Variants in FSTL5 observed in about 807,000 individuals in gnomAD.
FSTL5 encodes the protein follistatin-related protein 5.
In FSTL5, 62 loss-of-function variants were observed where a neutral mutation model predicts 89.1. The ratio of observed to expected loss-of-function variants is 0.70; its 90% CI spans 0.57 to 0.86. The LOEUF (loss-of-function observed/expected upper bound fraction) is 0.86, where lower values mean the gene tolerates loss of function less well. FSTL5 is among the 40% of genes least tolerant of loss of function. The pLI is 0.00. For missense variants in FSTL5, 1,057 were observed against 1,001.6 expected, an observed-to-expected ratio of 1.06 and a Z score of -0.75; for synonymous variants, 383 against 346.2, an observed-to-expected ratio of 1.11 and a Z score of -1.18.
rs539364311 is a variant in FSTL5, at chr4:161,501,827, G to A, written c.1340-1693C>T. 1.2e-4 allele frequency among the ~76,000 whole-genome samples: 18 copies of A among 151,968 alleles called. No individual in the cohort carries two copies. The East Asian group carries it at 1.9e-3, about 16-fold the overall frequency. On this transcript the variant is annotated intron_variant, in intron 11 of 15. Coordinates refer to ENST00000306100, the MANE Select transcript of FSTL5 (RefSeq NM_020116.5). ...TATTACATGCACAAAAGAGAAAGCCGAAACAAAGCACATAAGTATTTATGC... is the reference window on the plus strand; with the variant it reads ...TATTACATGCACAAAAGAGAAAGCCAAAACAAAGCACATAAGTATTTATGC...
rs189111501 is a variant in FSTL5, at chr4:161,913,626, G to T, written c.409+6778C>A. ...ATACTCAATGCCAGCCATGAAAGCA[G>T]CCAGGAGGGAGTCTGTACCCTGCAA... is the stretch of plus-strand genomic sequence containing the variant. On this transcript the variant is annotated intron_variant, in intron 4 of 15. Transcript: ENST00000306100. Among the ~76,000 whole-genome samples, 46 of 152,316 alleles carry T rather than the reference G, an allele frequency of 3.0e-4. 1 individual carries two copies. The highest frequency in any genetic ancestry group is 1.0e-3 in the Admixed American group (16 of 15,304).
In FSTL5 at chr4:161,973,221, T is replaced by C. The variant is rs74633176; in HGVS notation, c.161-52569A>G. Among the ~76,000 whole-genome samples, 253 of 152,290 alleles carry C rather than the reference T, an allele frequency of 1.7e-3. 1 individual carries two copies. Among genetic ancestry groups the C allele is most frequent in the African/African-American group, 5.9e-3 (245 of 41,550 alleles). ...GAAAGGTATAGCATGACAGTTTTAA[T>C]TGCACAGATTTAACCCAACAAAGAA... is the stretch of plus-strand genomic sequence containing the variant. On this transcript the variant is annotated intron_variant, in intron 3 of 15. Transcript: ENST00000306100.
rs897932847 is a variant in FSTL5 at position 161,734,117 on chromosome 4, T to C, written c.727+25294A>G. On this transcript the variant is annotated intron_variant, in intron 6 of 15. Transcript: ENST00000306100. The stretch of plus-strand genomic sequence containing the variant: ...ATCTTTGAGAAGTAAATAACGCTAA[T>C]ACAAAAGCATTTTAATAGGAGGGAA... 5.9e-5 allele frequency among the ~76,000 whole-genome samples: 9 copies of C among 152,248 alleles called. No homozygotes were observed. The East Asian group carries it at 1.5e-3, about 26-fold the overall frequency.
At chr4:161,766,953 T>C (rs760924993) in intron 5 of FSTL5, among the ~76,000 whole-genome samples, 14 of 150,198 alleles carry the variant, frequency 9.3e-5, no homozygotes, top group East Asian at 2.0e-4. Flanking sequence ...GATAGATAGA[T>C]AGATCTCACT....
intron 8 of FSTL5, among the ~76,000 whole-genome samples, chr4:161,575,302 T>TGA (rs1733170531): frequency 6.6e-6 from 1 of 152,240 alleles, no homozygotes; most frequent in South Asian, 2.1e-4. Context: ...GGTTGCCTGT[T>TGA]CACTTTGATG....
intron 2 of FSTL5, among the ~76,000 whole-genome samples, chr4:162,087,882 C>A (rs1730384311): frequency 6.6e-6 from 1 of 152,036 alleles, no homozygotes; most frequent in Admixed American, 6.6e-5. Context: ...GAGGTTACAG[C>A]CATTTTGAGT....
chr4:161,557,698 T>TTGA (rs146347695), intron 8 of FSTL5, among the ~76,000 whole-genome samples: 11,342 of 151,664 alleles, frequency 0.075, 530 homozygotes, highest in Middle Eastern at 0.17. Context: ...AATATTAAAA[T>TTGA]TGAACAGATT....
At chr4:161,437,333 G>C (rs1027275988) in intron 15 of FSTL5, among the ~76,000 whole-genome samples, 1 of 151,952 alleles carries the variant, frequency 6.6e-6, no homozygotes, top group Non-Finnish European at 1.5e-5. Context: ...TTGGGAGGCC[G>C]AGGCGGGCGG....
At chr4:161,597,465 A>C (rs1734058479) in intron 7 of FSTL5, among the ~76,000 whole-genome samples, 3 of 115,124 alleles carry the variant, frequency 2.6e-5, no homozygotes, top group South Asian at 3.3e-4. Flanking sequence ...AACATCACAC[A>C]CCGGGGCCTG....
At chr4:161,414,328 C>A (rs1438120100) in intron 15 of FSTL5, among the ~76,000 whole-genome samples, 1 of 152,046 alleles carries the variant, frequency 6.6e-6, no homozygotes. Flanking sequence ...TTTTAATTAA[C>A]AGATTGAAAA....
At chr4:161,397,360 T>C (rs1241950332) in intron 15 of FSTL5, among the ~76,000 whole-genome samples, 1 of 151,842 alleles carries the variant, frequency 6.6e-6, no homozygotes, top group Non-Finnish European at 1.5e-5. Context: ...TGGAATAGAA[T>C]AAAGGTTTTA....
chr4:161,598,596 C>T (rs1014697495), intron 7 of FSTL5, among the ~76,000 whole-genome samples: 8 of 152,030 alleles, frequency 5.3e-5, no homozygotes, highest in African/African-American at 1.9e-4. Flanking sequence ...TCTCTGGAAA[C>T]AACCAATATT....
chr4:161,450,192 T>C (rs1476857943), intron 15 of FSTL5, among the ~76,000 whole-genome samples: 1 of 152,206 alleles, frequency 6.6e-6, no homozygotes, highest in Non-Finnish European at 1.5e-5. Context: ...CCTCTTCTTT[T>C]CTCAATTCTC....
rs1729969577 is a variant in FSTL5 at position 161,493,843 on chromosome 4, G to GT, written c.1458+6172dup. ...ATTCATCCAAACACCTTGGCTACTT[G>GT]TTATCGATAATCTCTTGAAAGGACT... is the stretch of plus-strand genomic sequence containing the variant. On this transcript the variant is annotated intron_variant, in intron 12 of 15. Coordinates refer to ENST00000306100, the MANE Select transcript of FSTL5 (RefSeq NM_020116.5). Among the ~76,000 whole-genome samples the GT allele has an allele frequency of 2.0e-5, 3 of 152,004 alleles. No individual in the cohort carries two copies. The South Asian group carries it at 6.2e-4, about 32-fold the overall frequency.
intron 7 of FSTL5, among the ~76,000 whole-genome samples, chr4:161,624,582 T>A (rs1047521971): frequency 1.3e-5 from 2 of 151,842 alleles, no homozygotes; most frequent in Non-Finnish European, 1.5e-5. Context: ...CTAAAAACTT[T>A]AATACATGAT....
chr4:161,606,566 A>G (rs1339772000), intron 7 of FSTL5, among the ~76,000 whole-genome samples: 1 of 152,110 alleles, frequency 6.6e-6, no homozygotes, highest in Non-Finnish European at 1.5e-5. Context: ...GTATGTAGCA[A>G]AAACTAGTGT....
At chr4:161,791,233 G>T (rs1183236285) in intron 4 of FSTL5, among the ~76,000 whole-genome samples, 1 of 152,038 alleles carries the variant, frequency 6.6e-6, no homozygotes, top group Admixed American at 6.5e-5. Flanking sequence ...AGTGAAAAAT[G>T]AAGGGAGGGT....
At chr4:161,973,942 C>A (rs923659176) in intron 3 of FSTL5, among the ~76,000 whole-genome samples, 1 of 152,078 alleles carries the variant, frequency 6.6e-6, no homozygotes, top group Non-Finnish European at 1.5e-5. Context: ...ACAAAAATCA[C>A]AAGCATTCTT....
chr4:162,008,696 C>A lies in FSTL5; in HGVS notation c.160+24929G>T, dbSNP rs1736679117. On this transcript the variant is annotated intron_variant, in intron 3 of 15. Coordinates refer to ENST00000306100, the MANE Select transcript of FSTL5 (RefSeq NM_020116.5). ...GAAATAGACACCATTATTAAAAACA[C>A]AATGAACTAGATAAAAAACTGCTGG... Among the ~76,000 whole-genome samples, 2 of 151,744 alleles carry A rather than the reference C, an allele frequency of 1.3e-5. 1 individual carries two copies. The highest frequency in any genetic ancestry group is 4.2e-4 in the South Asian group (2 of 4,814).
Sources: allele counts gnomAD v4.1 joint callset (sites outside exome capture counted in the v4.1 genomes callset), GRCh38; gene constraint gnomAD v4.1.1; transcripts MANE v1.5; gene names NCBI Gene and HGNC (gene_info 2026-07-23, HGNC 2026-07-21).